The following RGS3 variants were observed in gnomAD, a reference collection of about 807,000 sequenced individuals.
RGS3 encodes regulator of G-protein signalling 3.
In RGS3, 80 loss-of-function variants were observed where a neutral mutation model predicts 132.6. The observed-to-expected ratio is 0.60, with a 90% CI of 0.50 to 0.73. The LOEUF (loss-of-function observed/expected upper bound fraction) is 0.73. RGS3 is among the 30% of genes least tolerant of loss of function. The pLI, the probability that RGS3 is intolerant of heterozygous loss-of-function variation, is 0.00. For missense variants in RGS3, 1,382 were observed against 1,530.8 expected (o/e 0.90, Z 1.62); for synonymous variants, 598 against 620.6 (o/e 0.96, Z 0.54).
At chr9:113,453,033 A>AAT (rs533813905) in intron 1 of RGS3, among the ~76,000 whole-genome samples, 5,058 of 132,258 alleles carry the variant, frequency 0.038, 137 homozygotes, top group South Asian at 0.098. Flanking sequence ...TATAATATAT[A>AAT]ATATATATAA....
At chr9:113,571,130 G>A (rs1044375893) in intron 19 of RGS3, among the ~76,000 whole-genome samples, 1 of 152,084 alleles carries the variant, frequency 6.6e-6, no homozygotes, top group South Asian at 2.1e-4. Context: ...TGAATATACC[G>A]CCACAGTTTA....
intron 10 of RGS3, chr9:113,501,297 C>CCCG: frequency 1.3e-6 from 1 of 774,842 alleles, no homozygotes; most frequent in Non-Finnish European, 1.9e-6. Flanking sequence ...GCGCCCTCTC[C>CCCG]CCGCCGGGCC....
At chr9:113,518,311 A>G (rs573646763) in intron 16 of RGS3, among the ~76,000 whole-genome samples, 8 of 152,328 alleles carry the variant, frequency 5.3e-5, no homozygotes, top group Admixed American at 2.6e-4. Flanking sequence ...TCAGGCCCCA[A>G]TGTAGAGCTG....
chr9:113,593,921 T>C, intron 21 of RGS3: 1 of 1,590,082 alleles, frequency 6.3e-7, no homozygotes, highest in Non-Finnish European at 8.6e-7. Context: ...CCTGCTGCCA[T>C]GGTAACGAGG....
At chr9:113,492,040 G>A (rs987078791) in intron 7 of RGS3, among the ~76,000 whole-genome samples, 2 of 151,952 alleles carry the variant, frequency 1.3e-5, no homozygotes, top group African/African-American at 2.4e-5. Flanking sequence ...CTGAGCTTAA[G>A]GAAAAAGTGA....
chr9:113,569,439 T>C (rs1387986277), intron 19 of RGS3, among the ~76,000 whole-genome samples: 1 of 152,052 alleles, frequency 6.6e-6, no homozygotes, highest in Non-Finnish European at 1.5e-5. Flanking sequence ...ACCCCTCAAG[T>C]CAAGGGTTGG....
intron 19 of RGS3, among the ~76,000 whole-genome samples, chr9:113,544,930 G>T (rs775377513): frequency 2.6e-5 from 4 of 152,150 alleles, no homozygotes; most frequent in African/African-American, 7.2e-5. Flanking sequence ...AGCTGTAGAG[G>T]GAATGCTTTT....
At chr9:113,499,366 A>C (rs981286579) in intron 10 of RGS3, among the ~76,000 whole-genome samples, 1 of 152,146 alleles carries the variant, frequency 6.6e-6, no homozygotes, top group African/African-American at 2.4e-5. Context: ...AGGGACATAC[A>C]TGGTTCAGAG....
intron 4 of RGS3, among the ~76,000 whole-genome samples, chr9:113,481,666 G>A (rs537254463): frequency 3.3e-5 from 5 of 152,240 alleles, no homozygotes; most frequent in South Asian, 2.1e-4. Context: ...CCTTCCCACC[G>A]GTCCCCACTC....
intron 10 of RGS3, among the ~76,000 whole-genome samples, chr9:113,503,970 C>T (rs1223011658): frequency 7.9e-5 from 12 of 152,036 alleles, no homozygotes; most frequent in East Asian, 1.9e-4. Flanking sequence ...CTTATGGGAA[C>T]GGGGTATTTT....
chr9:113,469,972 G>A (rs1253317218), intron 3 of RGS3, among the ~76,000 whole-genome samples: 3 of 150,858 alleles, frequency 2.0e-5, no homozygotes, highest in Admixed American at 1.3e-4. Context: ...GTGCAGTGGC[G>A]CAATGTAAAC....
At chr9:113,540,669 A>G (rs1832864848) in intron 19 of RGS3, among the ~76,000 whole-genome samples, 1 of 152,246 alleles carries the variant, frequency 6.6e-6, no homozygotes, top group Non-Finnish European at 1.5e-5. Flanking sequence ...GCCTGGCCCC[A>G]TTCTCAGGGC....
At chr9:113,511,004 A>C (rs896202597) in intron 14 of RGS3, among the ~76,000 whole-genome samples, 1 of 152,172 alleles carries the variant, frequency 6.6e-6, no homozygotes. Context: ...TGGGCTGCCA[A>C]GAGATAGCCC....
chr9:113,585,084 C>A (rs1835050456), intron 20 of RGS3, among the ~76,000 whole-genome samples: 1 of 152,236 alleles, frequency 6.6e-6, no homozygotes, highest in East Asian at 1.9e-4. Flanking sequence ...GGATTTCCTG[C>A]TGTGTACCAG....
chr9:113,560,340 T>A (rs1441160669), intron 19 of RGS3, among the ~76,000 whole-genome samples: 1 of 152,154 alleles, frequency 6.6e-6, no homozygotes, highest in African/African-American at 2.4e-5. Flanking sequence ...ACCTGCTCTG[T>A]CTTACCCCAC....
chr9:113,564,099 G>A (rs991552756), intron 19 of RGS3, among the ~76,000 whole-genome samples: 3 of 152,246 alleles, frequency 2.0e-5, no homozygotes, highest in African/African-American at 4.8e-5. Context: ...ACAAACTGCA[G>A]CACCAGAGAA....
At position 113,511,287 on chromosome 9, in the gene RGS3, T is replaced by G. The variant is rs578216487; in HGVS notation, c.1477+2707T>G. Among the ~76,000 whole-genome samples, 4 of 151,954 alleles carry G rather than the reference T, an allele frequency of 2.6e-5. No individual in the cohort carries two copies. The South Asian group carries it at 8.3e-4, about 32-fold the overall frequency. On this transcript the variant is annotated intron_variant, in intron 14 of 24. Transcript: ENST00000350696. The stretch of plus-strand genomic sequence containing the variant: ...TACTGTATTTGGTCGGTGAAGCAGG[T>G]GTTGGAGGAGAAAAGGGTGATATGG...
chr9:113,455,036 T>C (rs1279058241), intron 1 of RGS3, among the ~76,000 whole-genome samples: 1 of 152,132 alleles, frequency 6.6e-6, no homozygotes, highest in East Asian at 1.9e-4. Flanking sequence ...CTTGGAACTC[T>C]AGCTGCCTTG....
At chr9:113,594,802 G>C in intron 22 of RGS3, 117 bp from the exon 21 acceptor site, 1 of 1,010,208 alleles carries the variant, frequency 9.9e-7, no homozygotes, top group Non-Finnish European at 1.5e-6. Flanking sequence ...GGGCGCCCCA[G>C]CTGGGCTCAG....
Sources: gnomAD v4.1 joint callset for allele counts (sites outside exome capture counted in the v4.1 genomes callset) on GRCh38, gnomAD v4.1.1 for gene constraint, MANE v1.5 for transcripts, NCBI Gene and HGNC (gene_info 2026-07-23, HGNC 2026-07-21) for gene names.